CNTN4: variants seen among roughly 807,000 people sequenced by gnomAD.
CNTN4 encodes the protein contactin 4.
CNTN4 carries 77 observed loss-of-function variants against 122.5 expected under a neutral mutation model. That is an observed-to-expected ratio of 0.63 (90% confidence interval 0.52 to 0.76). The LOEUF is 0.76. Ranked by LOEUF, CNTN4 falls within the 30% of genes least tolerant of loss-of-function variation. The pLI, the probability that CNTN4 is intolerant of heterozygous loss-of-function variation, is 0.00. For missense variants in CNTN4, 1,256 were observed against 1,259.1 expected (o/e 1.00, Z 0.04); for synonymous variants, 512 against 447.0 (o/e 1.15, Z -1.83).
chr3:2,706,957 G>A lies in CNTN4; in HGVS notation c.56-29258G>A, dbSNP rs192059532. ...TGCCCAGAAGTGTAACTGGCATGGG[G>A]AAGCACTAGATTATGTGTATGTGTG... is the stretch of plus-strand genomic sequence containing the variant. On this transcript the variant is annotated intron_variant, in intron 4 of 24. Transcript: ENST00000418658. Among the ~76,000 whole-genome samples, 25 of 151,994 alleles carry A rather than the reference G, an allele frequency of 1.6e-4. 1 individual carries two copies. In the East Asian group the frequency reaches 3.9e-3, roughly 23 times the overall value.
intron 4 of CNTN4, among the ~76,000 whole-genome samples, chr3:2,654,765 A>G (rs1328188362): frequency 3.3e-5 from 5 of 152,184 alleles, no homozygotes; most frequent in Non-Finnish European, 7.3e-5. Flanking sequence ...AAATACAGTT[A>G]GGAGTCCTGG....
chr3:2,576,551 C>CTTT (rs11313015), intron 4 of CNTN4, among the ~76,000 whole-genome samples: 3 of 131,224 alleles, frequency 2.3e-5, no homozygotes, highest in South Asian at 2.4e-4. Context: ...CTGTTTTTTT[C>CTTT]TTTTTTTTTT....
chr3:2,948,194 AG>A, intron 13 of CNTN4, among the ~76,000 whole-genome samples: 1 of 152,312 alleles, frequency 6.6e-6, no homozygotes, highest in Non-Finnish European at 1.5e-5. Flanking sequence ...TAGAAACTCT[AG>A]GAAGGTTTGT....
intron 4 of CNTN4, among the ~76,000 whole-genome samples, chr3:2,613,015 T>C (rs1229771916): frequency 6.6e-6 from 1 of 152,174 alleles, no homozygotes; most frequent in Non-Finnish European, 1.5e-5. Flanking sequence ...GAACACAATG[T>C]TGTAGAAGTA....
chr3:2,603,869 C>T (rs2081149608), intron 4 of CNTN4, among the ~76,000 whole-genome samples: 1 of 152,186 alleles, frequency 6.6e-6, no homozygotes, highest in African/African-American at 2.4e-5. Flanking sequence ...GAAACCCTTT[C>T]TGAAATTTCC....
intron 23 of CNTN4, among the ~76,000 whole-genome samples, chr3:3,046,720 C>A (rs1477916534): frequency 6.6e-6 from 1 of 152,102 alleles, no homozygotes; most frequent in Non-Finnish European, 1.5e-5. Flanking sequence ...ACTGCATCAA[C>A]TACCGAGCAA....
At chr3:2,494,692 A>C (rs916006565) in intron 3 of CNTN4, among the ~76,000 whole-genome samples, 1 of 152,200 alleles carries the variant, frequency 6.6e-6, no homozygotes, top group Non-Finnish European at 1.5e-5. Context: ...TCATTTCAAA[A>C]TATGTCAAAG....
intron 13 of CNTN4, among the ~76,000 whole-genome samples, chr3:2,958,515 AT>A (rs1455118584): frequency 6.6e-6 from 1 of 152,116 alleles, no homozygotes; most frequent in African/African-American, 2.4e-5. Context: ...AACAATCTGC[AT>A]TTTTTTGAAT....
At chr3:2,868,041 C>A (rs2093743842) in intron 8 of CNTN4, among the ~76,000 whole-genome samples, 1 of 152,092 alleles carries the variant, frequency 6.6e-6, no homozygotes, top group Non-Finnish European at 1.5e-5. Flanking sequence ...GGTTTCTATT[C>A]TTTTTAAATC....
chr3:2,543,996 T>G lies in CNTN4; in HGVS notation c.-88-27420T>G, dbSNP rs534913836. On this transcript the variant is annotated intron_variant, in intron 3 of 24. Coordinates refer to ENST00000418658, the MANE Select transcript of CNTN4 (RefSeq NM_175607.3). ...TCATATTTTGGATATATCTGTCCTC[T>G]TTTTTCCTTTGAGAACACACAAGAG... is the stretch of plus-strand genomic sequence containing the variant. Among the ~76,000 whole-genome samples the G allele has an allele frequency of 9.5e-4, 144 of 152,256 alleles. 1 individual carries two copies. Among genetic ancestry groups the G allele is most frequent in the African/African-American group, 3.4e-3 (140 of 41,578 alleles).
At chr3:2,982,522 A>T (rs569337907) in intron 13 of CNTN4, among the ~76,000 whole-genome samples, 4 of 152,010 alleles carry the variant, frequency 2.6e-5, no homozygotes. Flanking sequence ...TTGTCTTTGG[A>T]TGGCTTCCTT....
chr3:2,849,630 G>T (rs2093513589), intron 7 of CNTN4, among the ~76,000 whole-genome samples: 1 of 152,170 alleles, frequency 6.6e-6, no homozygotes, highest in Non-Finnish European at 1.5e-5. Context: ...AACATTGGCT[G>T]TTCCCTACTT....
intron 2 of CNTN4, among the ~76,000 whole-genome samples, chr3:2,129,339 G>C (rs2034338890): frequency 6.6e-6 from 1 of 150,390 alleles, no homozygotes; most frequent in South Asian, 2.1e-4. Flanking sequence ...TATTTGTAAT[G>C]AGAAACAAAA....
chr3:2,851,622 T>C (rs1423235194), intron 7 of CNTN4, among the ~76,000 whole-genome samples: 1 of 152,218 alleles, frequency 6.6e-6, no homozygotes, highest in African/African-American at 2.4e-5. Context: ...CTTACTTGCA[T>C]AGTCTCATTT....
At chr3:2,673,690 A>C (rs1310302094) in intron 4 of CNTN4, among the ~76,000 whole-genome samples, 1 of 151,798 alleles carries the variant, frequency 6.6e-6, no homozygotes, top group East Asian at 1.9e-4. Flanking sequence ...ACAGGTGCCC[A>C]CCACCACGCC....
intron 3 of CNTN4, among the ~76,000 whole-genome samples, chr3:2,422,951 T>G (rs1361320679): frequency 6.6e-6 from 1 of 152,240 alleles, no homozygotes; most frequent in African/African-American, 2.4e-5. Flanking sequence ...GTGCCGAATT[T>G]GAATTTCCAT....
chr3:2,298,799 G>A (rs2042401743), intron 2 of CNTN4, among the ~76,000 whole-genome samples: 1 of 151,726 alleles, frequency 6.6e-6, no homozygotes, highest in Admixed American at 6.6e-5. Flanking sequence ...AATGAGTATT[G>A]TTTTAAAATT....
chr3:2,486,675 C>A (rs1050686271), intron 3 of CNTN4, among the ~76,000 whole-genome samples: 1 of 152,000 alleles, frequency 6.6e-6, no homozygotes, highest in Non-Finnish European at 1.5e-5. Flanking sequence ...GTCAGAATAC[C>A]AGCTTGGCTG....
intron 2 of CNTN4, among the ~76,000 whole-genome samples, chr3:2,260,308 G>A (rs1359561527): frequency 4.6e-5 from 7 of 151,988 alleles, no homozygotes; most frequent in Admixed American, 3.9e-4. Flanking sequence ...AGCACCACCC[G>A]AGTTGTGATA....
Sources: allele counts gnomAD v4.1 joint callset (sites outside exome capture counted in the v4.1 genomes callset), GRCh38; gene constraint gnomAD v4.1.1; transcripts MANE v1.5; gene names NCBI Gene and HGNC (gene_info 2026-07-23, HGNC 2026-07-21).